PCDH9: variants seen among roughly 807,000 people sequenced by gnomAD.
PCDH9 encodes protocadherin 9.
Under a neutral mutation model 70.6 loss-of-function variants are expected in PCDH9, and 24 were observed. The observed-to-expected ratio is 0.34, with a 90% confidence interval of 0.25 to 0.48. PCDH9 has a LOEUF of 0.48. Among genes scored for constraint, PCDH9 ranks in the 20% least tolerant of loss-of-function variants. The pLI is 0.99. For missense variants in PCDH9, 1,281 were observed against 1,503.6 expected (o/e 0.85, Z 2.45); for synonymous variants, 562 against 558.5 (o/e 1.01, Z -0.09).
At chr13:66,595,327 A>T (rs557499937) in intron 4 of PCDH9, among the ~76,000 whole-genome samples, 2 of 151,710 alleles carry the variant, frequency 1.3e-5, no homozygotes, top group Admixed American at 6.6e-5. Context: ...AATCCAATTA[A>T]CCAACACACA....
chr13:66,638,377 GA>G (rs896097085), intron 3 of PCDH9, among the ~76,000 whole-genome samples: 11 of 151,522 alleles, frequency 7.3e-5, no homozygotes, highest in African/African-American at 2.4e-4. Flanking sequence ...ATCTAGGTAA[GA>G]AAAAAAAGGC....
intron 3 of PCDH9, among the ~76,000 whole-genome samples, chr13:66,718,080 A>G (rs2078894787): frequency 2.6e-5 from 4 of 152,224 alleles, no homozygotes; most frequent in African/African-American, 7.2e-5. Context: ...TAGGAAGAAT[A>G]GAACATGTGT....
chr13:66,881,570 A>G (rs750890749), intron 3 of PCDH9, among the ~76,000 whole-genome samples: 1 of 152,222 alleles, frequency 6.6e-6, no homozygotes, highest in Non-Finnish European at 1.5e-5. Flanking sequence ...ATGCCAAGCC[A>G]AATCATATCA....
At chr13:67,132,188 A>C (rs182483050) in intron 2 of PCDH9, among the ~76,000 whole-genome samples, 91 of 152,296 alleles carry the variant, frequency 6.0e-4, no homozygotes, top group African/African-American at 2.1e-3. Context: ...TCCTGTCTAT[A>C]AAAACAAGAA....
rs568718185 is a variant in PCDH9, at chr13:66,695,143, T to C, written c.3139-63732A>G. ...TGGTCTCGCTCTCATGACCTCGTGA[T>C]CCTCCCGCCTCAGCCTCCCAAAGTG... On this transcript the variant is annotated intron_variant, in intron 3 of 4. Coordinates refer to ENST00000377865, the MANE Select transcript of PCDH9 (RefSeq NM_203487.3). Among the ~76,000 whole-genome samples, 187 of 152,250 alleles carry C rather than the reference T, an allele frequency of 1.2e-3. 7 individuals carry two copies. In the South Asian group the frequency reaches 0.036, roughly 30 times the overall value.
chr13:66,982,124 A>ACT (rs2083785171), intron 2 of PCDH9, among the ~76,000 whole-genome samples: 5 of 151,682 alleles, frequency 3.3e-5, no homozygotes, highest in South Asian at 4.2e-4. Context: ...TGCCCCACTC[A>ACT]CTCTCTCTCT....
At chr13:66,879,391 T>C (rs1251941241) in intron 3 of PCDH9, among the ~76,000 whole-genome samples, 1 of 152,084 alleles carries the variant, frequency 6.6e-6, no homozygotes, top group Non-Finnish European at 1.5e-5. Context: ...TATTCTTATA[T>C]TGAAAATAGA....
chr13:66,825,481 C>T (rs111610006), intron 3 of PCDH9, among the ~76,000 whole-genome samples: 1,747 of 149,898 alleles, frequency 0.012, 25 homozygotes, highest in African/African-American at 0.039. Context: ...GGACTACAGG[C>T]GCGCGCCACC....
rs201025571 is a variant in PCDH9, at chr13:67,226,116, G to A, written c.2325C>T (p.Asn775=). 18 of 1,614,088 alleles carry A rather than the reference G, an allele frequency of 1.1e-5. No individual in the cohort carries two copies. The East Asian group carries it at 3.6e-4, about 32-fold the overall frequency. The change falls in exon 2 of 5, where the codon AAC becomes AAT. Residue 775 remains asparagine, a synonymous_variant. Coordinates refer to ENST00000377865, the MANE Select transcript of PCDH9 (RefSeq NM_203487.3). The surrounding 1 kb of genome is among the most constrained non-coding windows in gnomAD (Gnocchi z 5.0). The part of the protein sequence containing the change: ...HTLVLVFLYV[N]DTAGNASYIY... ...TATAGGAGGCATTTCCAGCAGTGTC[G>A]TTAACATAAAGGAATACAAGCACAA...
At chr13:66,857,541 T>C (rs1594160792) in intron 3 of PCDH9, among the ~76,000 whole-genome samples, 1 of 152,276 alleles carries the variant, frequency 6.6e-6, no homozygotes, top group East Asian at 1.9e-4. Flanking sequence ...AGCAACAATG[T>C]CTAGAGGTCA....
chr13:66,730,897 T>TTTTTTTTTTTGTTTTG (rs1555262885), intron 3 of PCDH9, among the ~76,000 whole-genome samples: 1 of 129,100 alleles, frequency 7.7e-6, no homozygotes, highest in Non-Finnish European at 1.6e-5. Flanking sequence ...GTTTGTTTCT[T>TTTTTTTTTTTGTTTTG]TTTTTTTGTG....
chr13:67,035,917 C>A (rs1269993344), intron 2 of PCDH9, among the ~76,000 whole-genome samples: 3 of 152,154 alleles, frequency 2.0e-5, no homozygotes, highest in East Asian at 3.8e-4. Flanking sequence ...TCTGGCCACA[C>A]CCCAATTTTA....
intron 4 of PCDH9, among the ~76,000 whole-genome samples, chr13:66,429,928 C>T (rs569003566): frequency 6.6e-6 from 1 of 152,046 alleles, no homozygotes; most frequent in South Asian, 2.1e-4. Context: ...ATACCTTTAT[C>T]GATCTTCCTC....
intron 3 of PCDH9, among the ~76,000 whole-genome samples, chr13:66,780,938 T>C (rs1168374153): frequency 6.6e-6 from 1 of 152,140 alleles, no homozygotes; most frequent in East Asian, 1.9e-4. Flanking sequence ...ACTGAAGTAA[T>C]TGTATGAAGC....
intron 3 of PCDH9, among the ~76,000 whole-genome samples, chr13:66,750,632 A>G (rs1447559166): frequency 1.3e-5 from 2 of 152,198 alleles, no homozygotes; most frequent in South Asian, 2.1e-4. Flanking sequence ...GACAAATGAA[A>G]GACTAAATTT....
chr13:66,445,476 T>C (rs539571979), intron 4 of PCDH9, among the ~76,000 whole-genome samples: 203 of 139,510 alleles, frequency 1.5e-3, no homozygotes, highest in African/African-American at 5.5e-3. Context: ...ATAATATATA[T>C]ACACATAAAA....
intron 4 of PCDH9, among the ~76,000 whole-genome samples, chr13:66,387,996 C>G (rs1956958612): frequency 6.6e-6 from 1 of 152,068 alleles, no homozygotes; most frequent in South Asian, 2.1e-4. Flanking sequence ...TTTTAAAAGT[C>G]AGCTTGTTAT....
At chr13:66,713,598 GTATA>G (rs1166700753) in intron 3 of PCDH9, among the ~76,000 whole-genome samples, 4 of 119,846 alleles carry the variant, frequency 3.3e-5, no homozygotes, top group African/African-American at 6.3e-5. Flanking sequence ...TTGTGTTTGT[GTATA>G]TATATATAAA....
intron 3 of PCDH9, among the ~76,000 whole-genome samples, chr13:66,681,431 T>A (rs936227441): frequency 6.6e-6 from 1 of 152,104 alleles, no homozygotes; most frequent in African/African-American, 2.4e-5. Flanking sequence ...TCTCTCTCCT[T>A]TTTAAAATTA....
Sources: allele counts gnomAD v4.1 joint callset (sites outside exome capture counted in the v4.1 genomes callset), GRCh38; gene constraint gnomAD v4.1.1; non-coding constraint Gnocchi (gnomAD v3.1); transcripts MANE v1.5; gene names NCBI Gene and HGNC (gene_info 2026-07-23, HGNC 2026-07-21).